Variants in DDB1 observed in about 807,000 individuals in gnomAD.
DDB1 encodes the protein damage specific DNA binding protein 1, also known as DNA damage-binding protein 1.
DDB1 carries 18 observed loss-of-function variants against 133.1 expected under a neutral mutation model. That is an observed-to-expected ratio of 0.14 (90% CI 0.09 to 0.20). The LOEUF is 0.20. Ranked by LOEUF, DDB1 falls within the 10% of genes least tolerant of loss-of-function variation. The probability of loss-of-function intolerance (pLI) is 1.00; values close to 1 mark genes in which losing one functional copy is unlikely to be tolerated. For missense variants in DDB1, 828 were observed against 1,459.2 expected (o/e 0.57, Z 7.05); for synonymous variants, 580 against 550.5 (o/e 1.05, Z -0.75).
Position 61,303,051 on chromosome 11 carries a change from C to T in DDB1, c.2937G>A (p.Lys979=). ...CAGAGCTGGCCACTACTCACCTATC[C>T]TTTTGACACACAAACAAGTTAAAGG... ...ENAFNLFVCQ[K]DSAATTDEER... is the part of the protein sequence containing the mutation. The change falls in exon 23 of 27, where the codon AAG becomes AAA. Residue 979 remains lysine (K), a synonymous_variant. Coordinates refer to ENST00000301764, the MANE Select transcript of DDB1 (RefSeq NM_001923.5). 1.2e-6 allele frequency: 2 copies of T among 1,614,128 alleles called. No individual in the cohort carries two copies. The highest frequency in any genetic ancestry group is 1.7e-6 in the Non-Finnish European group (2 of 1,179,970).
chr11:61,322,708 C>T (rs1856202547), intron 8 of DDB1: 2 of 535,176 alleles, frequency 3.7e-6, no homozygotes, highest in Non-Finnish European at 6.6e-6. Context: ...CAGAGAAGGT[C>T]CGAAGTTTTC....
In DDB1 at chr11:61,329,359, G is replaced by A; in HGVS notation, c.549+4C>T. 1 of 1,613,850 alleles carries A rather than the reference G, an allele frequency of 6.2e-7. No individual in the cohort carries two copies. Among genetic ancestry groups the A allele is most frequent in the Non-Finnish European group, 8.5e-7 (1 of 1,179,786 alleles). Reference sequence around the variant, plus strand: ...TTTCTCGCTCTCTCTTCCTGATCCAGTACCTGGTAGACAAAGCAAATAGTA... The same window carrying A: ...TTTCTCGCTCTCTCTTCCTGATCCAATACCTGGTAGACAAAGCAAATAGTA... On this transcript the variant is annotated splice_donor_region_variant and intron_variant, in intron 4 of 26. Coordinates refer to ENST00000301764, the MANE Select transcript of DDB1 (RefSeq NM_001923.5).
chr11:61,308,953 AAAGT>A (rs779105023), intron 21 of DDB1, 26 bp downstream of exon 21: 5 of 1,608,776 alleles, frequency 3.1e-6, no homozygotes, highest in East Asian at 4.5e-5. Context: ...TGGGCAGCCT[AAAGT>A]AAGTACCAAG....
chr11:61,300,779 T>C, intron 26 of DDB1, 30 bp downstream of exon 26: 1 of 1,613,456 alleles, frequency 6.2e-7, no homozygotes, highest in African/African-American at 1.3e-5. Flanking sequence ...TGGACTTGTC[T>C]GGCCCAGGGT....
intron 25 of DDB1, chr11:61,301,821 G>A (rs1481743197): frequency 6.1e-6 from 1 of 163,346 alleles, no homozygotes; most frequent in Non-Finnish European, 1.3e-5. Flanking sequence ...GGATTCTGGG[G>A]GTCCCAGGGT....
intron 7 of DDB1, 39 bp downstream of exon 7, chr11:61,323,940 A>G: frequency 6.2e-7 from 1 of 1,610,980 alleles, no homozygotes; most frequent in Non-Finnish European, 8.5e-7. Flanking sequence ...TTAGGAACCT[A>G]AAAGAACATT....
chr11:61,312,317 A>T (rs181638799), intron 16 of DDB1, among the ~76,000 whole-genome samples: 304 of 152,220 alleles, frequency 2.0e-3, no homozygotes, highest in Non-Finnish European at 3.8e-3. Context: ...CCATTTAATG[A>T]TAATGTGCAA....
At position 61,313,054 on chromosome 11, in the gene DDB1, C is replaced by T. The variant is rs1590687239; in HGVS notation, c.2069+445G>A. On this transcript the variant is annotated intron_variant, in intron 16 of 26. Coordinates refer to ENST00000301764, the MANE Select transcript of DDB1 (RefSeq NM_001923.5). Reference sequence around the variant, plus strand: ...TCTCAAACTCCTGACTTCAAATGATCCTCCTGCCTCGGCCTCCCAAAGTGC... The same window carrying T: ...TCTCAAACTCCTGACTTCAAATGATTCTCCTGCCTCGGCCTCCCAAAGTGC... Among the ~76,000 whole-genome samples the T allele has an allele frequency of 2.0e-5, 3 of 152,308 alleles. No homozygotes were observed. The South Asian group carries it at 6.2e-4, about 32-fold the overall frequency.
chr11:61,299,864 A>C lies in DDB1; in HGVS notation c.*272T>G, dbSNP rs1412290795. On this transcript the variant is annotated 3_prime_UTR_variant, in exon 27 of 27. Coordinates refer to ENST00000301764, the MANE Select transcript of DDB1 (RefSeq NM_001923.5). Reference sequence around the variant, plus strand: ...CAAAATCCTTCCCCGGAAGGAGGACAACTGGCAACACCAATCAAGGCTTGG... The same window carrying C: ...CAAAATCCTTCCCCGGAAGGAGGACCACTGGCAACACCAATCAAGGCTTGG... 7.6e-6 allele frequency: 4 copies of C among 524,174 alleles called. No homozygotes were observed. The highest frequency in any genetic ancestry group is 6.3e-5 in the South Asian group (3 of 47,904). 32.5% of individuals were successfully genotyped at this position (524,174 alleles called of 1,614,324 possible).
rs1855981118 is a variant in DDB1, at chr11:61,312,018, A to T, written c.2136T>A (p.Ile712=). The change falls in exon 17 of 27, where the codon ATT becomes ATA. Residue 712 remains isoleucine (I), a synonymous_variant. Coordinates refer to ENST00000301764, the MANE Select transcript of DDB1 (RefSeq NM_001923.5). ...GTIDEIQKLH[I]RTVPLYESPR... ...GAGACTCATAGAGGGGAACTGTGCG[A>T]ATGTGCAGCTTCTGGATCTCATCGA... The T allele has an allele frequency of 3.7e-6, 6 of 1,614,070 alleles. No individual in the cohort carries two copies. Among genetic ancestry groups the T allele is most frequent in the Non-Finnish European group, 4.2e-6 (5 of 1,180,044 alleles).
intron 21 of DDB1, 36 bp downstream of exon 21, chr11:61,308,947 C>G (rs770724780): frequency 4.4e-6 from 7 of 1,597,236 alleles, no homozygotes; most frequent in Middle Eastern, 1.7e-4. Context: ...CAATGATGGG[C>G]AGCCTAAAGT....
rs765999310 is a variant in DDB1, at chr11:61,323,101, G to A, written c.922-7C>T. On this transcript the variant is annotated splice_polypyrimidine_tract_variant and splice_region_variant and intron_variant, in intron 7 of 26. Coordinates refer to ENST00000301764, the MANE Select transcript of DDB1 (RefSeq NM_001923.5). ...AGCACTCAGCAATAGAGGTCTGGAA[G>A]AAAGTCAGCAACGTGAAAGAAATGA... The A allele has an allele frequency of 1.2e-6, 2 of 1,613,196 alleles. No homozygotes were observed.
intron 10 of DDB1, among the ~76,000 whole-genome samples, chr11:61,319,495 G>C (rs553905616): frequency 6.6e-6 from 1 of 151,390 alleles, no homozygotes; most frequent in Non-Finnish European, 1.5e-5. Context: ...GCAGTGGCAC[G>C]ATCTCGGCTC....
chr11:61,301,118 A>C, intron 25 of DDB1, 186 bp from the exon 26 acceptor site: 1 of 785,222 alleles, frequency 1.3e-6, no homozygotes, highest in Non-Finnish European at 2.0e-6. Flanking sequence ...ACCTAATCTA[A>C]TTGGTTCTCA....
chr11:61,313,418 G>T, intron 16 of DDB1, 81 bp downstream of exon 16: 1 of 1,296,780 alleles, frequency 7.7e-7, no homozygotes, highest in South Asian at 1.4e-5. Flanking sequence ...ACCGGAAAAA[G>T]GCTTTGAGGT....
At chr11:61,307,406 C>T (rs1353292919) in intron 21 of DDB1, among the ~76,000 whole-genome samples, 2 of 152,258 alleles carry the variant, frequency 1.3e-5, no homozygotes, top group Non-Finnish European at 2.9e-5. Context: ...GACCTGCCAG[C>T]AACACTTGGA....
In DDB1 at chr11:61,310,406, T is replaced by C. The variant is rs1401649924; in HGVS notation, c.2290A>G (p.Ser764Gly). 8 of 1,606,254 alleles carry C rather than the reference T, an allele frequency of 5.0e-6. No homozygotes were observed. Among genetic ancestry groups the C allele is most frequent in the Non-Finnish European group, 6.8e-6 (8 of 1,177,322 alleles). ...GAGAACAGCTTGCTGGAGCTTACAC[T>C]GCTGGACAGAGCCTGCAAACAGAGA... is the stretch of plus-strand genomic sequence containing the variant. ...PSASTQALSSSVSSSKLFSSS... is the reference protein window; with the variant it reads ...PSASTQALSSGVSSSKLFSSS... Residue 764 changes from serine (S) to glycine (G), a missense_variant, in exon 19 of 27, where the codon AGT becomes GGT. Transcript: ENST00000301764.
chr11:61,326,194 G>A (rs771301113), intron 5 of DDB1: 1 of 232,092 alleles, frequency 4.3e-6, no homozygotes, highest in South Asian at 5.8e-5. Context: ...AAGGAGTGAA[G>A]AGGCCTGGAT....
Position 61,303,853 on chromosome 11 carries a change from C to A in DDB1, c.2832+12G>T, listed in dbSNP as rs780132287. 8.7e-6 allele frequency: 14 copies of A among 1,613,592 alleles called. No individual in the cohort carries two copies. Among genetic ancestry groups the A allele is most frequent in the Non-Finnish European group, 1.0e-5 (12 of 1,179,806 alleles). The stretch of plus-strand genomic sequence containing the variant: ...AGCAAGAAGTCTGCTCGCATCCCCC[C>A]ACCAGCATCACCTCTTCAAAGTTTC... On this transcript the variant is annotated intron_variant, in intron 22 of 26. Coordinates refer to ENST00000301764, the MANE Select transcript of DDB1 (RefSeq NM_001923.5).
Sources: gnomAD v4.1 joint callset for allele counts (sites outside exome capture counted in the v4.1 genomes callset) on GRCh38, gnomAD v4.1.1 for gene constraint, MANE v1.5 for transcripts, NCBI Gene and HGNC (gene_info 2026-07-23, HGNC 2026-07-21) for gene names.